FNIP1: variants seen among roughly 807,000 people sequenced by gnomAD.
The protein encoded by FNIP1 is folliculin-interacting protein 1.
In FNIP1, 40 loss-of-function variants were observed where a neutral mutation model predicts 124.5. The observed-to-expected ratio is 0.32, with a 90% confidence interval of 0.25 to 0.42. FNIP1 has a LOEUF of 0.42. Among genes scored for constraint, FNIP1 ranks in the 10% least tolerant of loss-of-function variants. FNIP1 has a pLI of 1.00. For synonymous variants in FNIP1, 472 were observed against 470.6 expected, an observed-to-expected ratio of 1.00 and a Z score of -0.04; for missense variants, 1,176 against 1,403.7, an observed-to-expected ratio of 0.84 and a Z score of 2.59.
At chr5:131,794,069 C>G (rs1207384818) in intron 1 of FNIP1, among the ~76,000 whole-genome samples, 1 of 150,974 alleles carries the variant, frequency 6.6e-6, no homozygotes, top group African/African-American at 2.4e-5. Flanking sequence ...GTGGCTCATG[C>G]CTGTAATTAC....
intron 1 of FNIP1, among the ~76,000 whole-genome samples, chr5:131,768,388 C>T (rs1402612769): frequency 1.8e-4 from 28 of 151,814 alleles, no homozygotes; most frequent in Admixed American, 1.8e-3. Flanking sequence ...AAAACTACAG[C>T]AAAACACTGG....
At position 131,766,382 on chromosome 5, in the gene FNIP1, C is replaced by G. The variant is rs770453334; in HGVS notation, c.93-21692G>C. On this transcript the variant is annotated intron_variant, in intron 1 of 17. Transcript: ENST00000510461. Reference sequence around the variant, plus strand: ...CCTGCCCCTACTTATCTTTAACAAGCAGAGACTTCTCCAATCCAAATGTTT... The same window carrying G: ...CCTGCCCCTACTTATCTTTAACAAGGAGAGACTTCTCCAATCCAAATGTTT... Among the ~76,000 whole-genome samples, 59 of 152,224 alleles carry G rather than the reference C, an allele frequency of 3.9e-4. No homozygotes were observed. The Middle Eastern group carries it at 0.01, about 26-fold the overall frequency.
chr5:131,688,702 T>A (rs1253467402), intron 11 of FNIP1, among the ~76,000 whole-genome samples: 9 of 130,238 alleles, frequency 6.9e-5, no homozygotes, highest in East Asian at 2.2e-4. Flanking sequence ...TGCTAGCAAT[T>A]AAAAAAAAAA....
At chr5:131,783,518 C>T (rs1772066188) in intron 1 of FNIP1, among the ~76,000 whole-genome samples, 1 of 150,582 alleles carries the variant, frequency 6.6e-6, no homozygotes, top group African/African-American at 2.4e-5. Flanking sequence ...ATCTAAAGTT[C>T]TAAAAAGAAG....
At chr5:131,669,862 A>G (rs181350905) in intron 15 of FNIP1, among the ~76,000 whole-genome samples, 36 of 151,668 alleles carry the variant, frequency 2.4e-4, no homozygotes, top group African/African-American at 7.5e-4. Context: ...AACGATGTCC[A>G]TGGTCACCAC....
rs917854637 is a variant in FNIP1, at chr5:131,693,202, A to G, written c.1202+5715T>C. ...CTTGATTTAGCCATTCCACATGTGT[A>G]CACATATCAAAACATCATTTTATAC... On this transcript the variant is annotated intron_variant, in intron 11 of 17. Transcript: ENST00000510461. 4.1e-5 allele frequency among the ~76,000 whole-genome samples: 6 copies of G among 147,632 alleles called. 1 individual carries two copies. The highest frequency in any genetic ancestry group is 1.2e-4 in the African/African-American group (5 of 40,232).
At chr5:131,785,101 C>CAA in intron 1 of FNIP1, among the ~76,000 whole-genome samples, 1 of 17,984 alleles carries the variant, frequency 5.6e-5, no homozygotes, top group Non-Finnish European at 1.6e-4. Context: ...ATATATATGA[C>CAA]TATATATATA....
At chr5:131,783,800 G>T (rs1772074017) in intron 1 of FNIP1, among the ~76,000 whole-genome samples, 1 of 152,036 alleles carries the variant, frequency 6.6e-6, no homozygotes, top group African/African-American at 2.4e-5. Flanking sequence ...GACTTAAAAT[G>T]AATCTCAATC....
Position 131,644,631 on chromosome 5 carries a change from G to T in FNIP1, c.*54C>A. On this transcript the variant is annotated 3_prime_UTR_variant, in exon 18 of 18. Coordinates refer to ENST00000510461, the MANE Select transcript of FNIP1 (RefSeq NM_133372.3). ...ATCTCCATAAATGCATGTTGTGTCT[G>T]CTTCCTTGGTTTCTACCTATTTTCC... 1 of 1,467,434 alleles carries T rather than the reference G, an allele frequency of 6.8e-7. No homozygotes were observed. 90.9% of individuals were successfully genotyped at this position (1,467,434 alleles called of 1,614,324 possible).
chr5:131,779,553 C>T (rs1464693508), intron 1 of FNIP1, among the ~76,000 whole-genome samples: 1 of 151,028 alleles, frequency 6.6e-6, no homozygotes, highest in African/African-American at 2.4e-5. Flanking sequence ...CCAGGCATGG[C>T]GGCGTGCGCC....
chr5:131,769,844 T>C (rs1420206008), intron 1 of FNIP1, among the ~76,000 whole-genome samples: 1 of 152,232 alleles, frequency 6.6e-6, no homozygotes, highest in Non-Finnish European at 1.5e-5. Flanking sequence ...TCTTCTACTA[T>C]AAGTACATGA....
chr5:131,698,703 A>G (rs1316759293), intron 11 of FNIP1, among the ~76,000 whole-genome samples: 3 of 152,338 alleles, frequency 2.0e-5, no homozygotes, highest in South Asian at 2.1e-4. Context: ...AAATGGCCCA[A>G]TACTGAAAAA....
At chr5:131,709,174 A>T in intron 8 of FNIP1, 27 bp downstream of exon 8, 3 of 1,597,304 alleles carry the variant, frequency 1.9e-6, no homozygotes, top group Non-Finnish European at 2.6e-6. Context: ...ATCTCATAAA[A>T]AACTGAATAC....
At chr5:131,658,539 C>CA in intron 15 of FNIP1, among the ~76,000 whole-genome samples, 2 of 152,102 alleles carry the variant, frequency 1.3e-5, no homozygotes, top group Middle Eastern at 6.8e-3. Context: ...AGCCTTCATA[C>CA]ATCTCAAGTT....
chr5:131,759,955 G>A (rs1580816404), intron 1 of FNIP1, among the ~76,000 whole-genome samples: 1 of 152,226 alleles, frequency 6.6e-6, no homozygotes, highest in Non-Finnish European at 1.5e-5. Flanking sequence ...GAGGCGGCTG[G>A]AAGCCATAAT....
rs1247478537 is a variant in FNIP1, at chr5:131,700,739, TA to T, written c.1117-1738del. Among the ~76,000 whole-genome samples, 882 of 147,900 alleles carry T rather than the reference TA, an allele frequency of 6.0e-3. 5 individuals carry two copies. The highest frequency in any genetic ancestry group is 0.018 in the African/African-American group (734 of 40,702). On this transcript the variant is annotated intron_variant, in intron 10 of 17. Coordinates refer to ENST00000510461, the MANE Select transcript of FNIP1 (RefSeq NM_133372.3). ...AGAAACAAAATCCATAGCTTTTATT[TA>T]AAAAAAAAAATAGTCTGAAAACTGG...
At chr5:131,760,461 C>T (rs1378504122) in intron 1 of FNIP1, among the ~76,000 whole-genome samples, 2 of 152,102 alleles carry the variant, frequency 1.3e-5, no homozygotes, top group African/African-American at 4.8e-5. Flanking sequence ...TTTCATGAAC[C>T]TGTAAATAAA....
chr5:131,741,108 T>G (rs1193031067), intron 2 of FNIP1, among the ~76,000 whole-genome samples: 1 of 152,198 alleles, frequency 6.6e-6, no homozygotes, highest in African/African-American at 2.4e-5. Flanking sequence ...TTTATTCCTT[T>G]ACTTTCTTAA....
chr5:131,793,186 C>A (rs1407467354), intron 1 of FNIP1, among the ~76,000 whole-genome samples: 1 of 152,106 alleles, frequency 6.6e-6, no homozygotes, highest in Non-Finnish European at 1.5e-5. Context: ...TGCATGCTGC[C>A]ACACATGGCT....
Sources: gnomAD v4.1 joint callset for allele counts (sites outside exome capture counted in the v4.1 genomes callset) on GRCh38, gnomAD v4.1.1 for gene constraint, MANE v1.5 for transcripts, NCBI Gene and HGNC (gene_info 2026-07-23, HGNC 2026-07-21) for gene names.